Variants in ENTPD6 observed in about 807,000 individuals in gnomAD.
ENTPD6 encodes ectonucleoside triphosphate diphosphohydrolase 6.
Under a neutral mutation model 61.5 loss-of-function variants are expected in ENTPD6, and 46 were observed. That is an observed-to-expected ratio of 0.75 (90% CI 0.59 to 0.96). The LOEUF (loss-of-function observed/expected upper bound fraction) is 0.96. Ranked by LOEUF, ENTPD6 falls within the 40% of genes least tolerant of loss-of-function variation. The pLI, the probability that ENTPD6 is intolerant of heterozygous loss-of-function variation, is 0.00. For synonymous variants in ENTPD6, 252 were observed against 255.5 expected (o/e 0.99, Z 0.13); for missense variants, 612 against 629.0 (o/e 0.97, Z 0.29).
intron 5 of ENTPD6, chr20:25,214,568 G>A (rs2092203520): frequency 2.9e-6 from 1 of 345,178 alleles, no homozygotes; most frequent in Non-Finnish European, 5.4e-6. Context: ...CCGGGCGGTG[G>A]ATTAACTTGC....
intron 1 of ENTPD6, among the ~76,000 whole-genome samples, chr20:25,198,174 C>A (rs2090677196): frequency 6.6e-6 from 1 of 152,042 alleles, no homozygotes; most frequent in Non-Finnish European, 1.5e-5. Flanking sequence ...TAACATAGGA[C>A]ATGATAAGAT....
chr20:25,212,743 T>C (rs1206443628), intron 4 of ENTPD6, among the ~76,000 whole-genome samples: 11 of 152,068 alleles, frequency 7.2e-5, no homozygotes, highest in Non-Finnish European at 1.5e-4. Context: ...TCTCACTCTG[T>C]CACCCAGGCT....
At chr20:25,197,804 C>G (rs1473196117) in intron 1 of ENTPD6, among the ~76,000 whole-genome samples, 1 of 152,228 alleles carries the variant, frequency 6.6e-6, no homozygotes, top group Non-Finnish European at 1.5e-5. Context: ...TCTTCCTGAA[C>G]TTGGTGTGTA....
chr20:25,209,740 G>T, intron 3 of ENTPD6, 109 bp from the exon 4 acceptor site: 1 of 882,868 alleles, frequency 1.1e-6, no homozygotes. Context: ...GCCACTTGGG[G>T]ATTGGTCTGT....
At chr20:25,222,142 A>G (rs2092656099) in intron 11 of ENTPD6, 1 of 153,446 alleles carries the variant, frequency 6.5e-6, no homozygotes, top group African/African-American at 2.4e-5. Flanking sequence ...AGCAGCACAC[A>G]CCGGGGCCCT....
chr20:25,215,987 AC>A lies in ENTPD6; in HGVS notation c.709+281del, dbSNP rs371005572. On this transcript the variant is annotated intron_variant, in intron 7 of 14. Transcript: ENST00000376652. ...TGTCCCCTGCAGAACATCCACCAGG[AC>A]CCCCATCCTCTCATTTCTAAGAGAA... Among the ~76,000 whole-genome samples, 451 of 152,066 alleles carry A rather than the reference AC, an allele frequency of 3.0e-3. 1 individual carries two copies. The highest frequency in any genetic ancestry group is 0.01 in the African/African-American group (423 of 41,472).
intron 3 of ENTPD6, among the ~76,000 whole-genome samples, chr20:25,207,713 G>A (rs559903968): frequency 1.3e-4 from 20 of 152,314 alleles, no homozygotes; most frequent in Middle Eastern, 3.4e-3. Flanking sequence ...GGGGCTTTGT[G>A]GGGAGTTCAG....
At position 25,211,941 on chromosome 20, in the gene ENTPD6, C is replaced by T. The variant is rs577846237; in HGVS notation, c.454-1322C>T. On this transcript the variant is annotated intron_variant, in intron 4 of 14. Coordinates refer to ENST00000376652, the MANE Select transcript of ENTPD6 (RefSeq NM_001247.5). ...CTGCCACCTCAGCCTCCCAAGTAAC[C>T]GGGACCATAGATGCACACCGCAATG... is the stretch of plus-strand genomic sequence containing the variant. 2.2e-4 allele frequency among the ~76,000 whole-genome samples: 33 copies of T among 152,164 alleles called. No individual in the cohort carries two copies. The South Asian group carries it at 6.4e-3, about 30-fold the overall frequency.
intron 7 of ENTPD6, 79 bp from the exon 8 acceptor site, chr20:25,216,569 C>A: frequency 9.5e-7 from 1 of 1,050,404 alleles, no homozygotes; most frequent in Non-Finnish European, 1.4e-6. Context: ...CCCTGAGGGC[C>A]TGGCTTTCAC....
chr20:25,198,664 A>G (rs1172053022), intron 1 of ENTPD6, among the ~76,000 whole-genome samples: 1 of 152,188 alleles, frequency 6.6e-6, no homozygotes, highest in East Asian at 1.9e-4. Flanking sequence ...TTTGGGTTAT[A>G]GTCTGCTAAG....
At chr20:25,209,192 C>T (rs2091767855) in intron 3 of ENTPD6, among the ~76,000 whole-genome samples, 1 of 151,694 alleles carries the variant, frequency 6.6e-6, no homozygotes, top group African/African-American at 2.4e-5. Context: ...TCACTGCAAG[C>T]TCCGCCCCCC....
chr20:25,210,843 G>C (rs914598056), intron 4 of ENTPD6, among the ~76,000 whole-genome samples: 4 of 152,188 alleles, frequency 2.6e-5, no homozygotes, highest in Non-Finnish European at 5.9e-5. Context: ...TCAGGAGGCT[G>C]AGGCAGGAGA....
intron 1 of ENTPD6, 63 bp from the exon 2 acceptor site, chr20:25,206,459 T>C (rs2091508568): frequency 7.9e-7 from 1 of 1,263,616 alleles, no homozygotes; most frequent in South Asian, 1.2e-5. Flanking sequence ...GAATTTATTT[T>C]GCTACTCTAG....
intron 1 of ENTPD6, among the ~76,000 whole-genome samples, chr20:25,203,622 G>T (rs756064019): frequency 6.6e-6 from 1 of 152,046 alleles, no homozygotes; most frequent in Non-Finnish European, 1.5e-5. Flanking sequence ...TCATTTTGTT[G>T]TCATATGTTA....
At chr20:25,219,389 C>T (rs1194647174) in intron 10 of ENTPD6, among the ~76,000 whole-genome samples, 1 of 152,198 alleles carries the variant, frequency 6.6e-6, no homozygotes, top group Non-Finnish European at 1.5e-5. Flanking sequence ...GCTCATGATT[C>T]CAGCCTTGCA....
At chr20:25,202,215 A>G (rs2091099213) in intron 1 of ENTPD6, among the ~76,000 whole-genome samples, 2 of 152,174 alleles carry the variant, frequency 1.3e-5, no homozygotes, top group African/African-American at 4.8e-5. Context: ...GAAAGAGGAA[A>G]GGTTGATCTT....
Position 25,222,950 on chromosome 20 carries a change from C to G in ENTPD6, c.1158C>G (p.Tyr386Ter), listed in dbSNP as rs769540342. The change falls in exon 12 of 15, where the codon TAC (tyrosine) becomes TAG (stop). Residue 386 changes from tyrosine (Y) to a stop codon, truncating the protein, a stop_gained. Coordinates refer to ENST00000376652, the MANE Select transcript of ENTPD6 (RefSeq NM_001247.5). LOFTEE classifies it high-confidence loss of function. ...HVDFYAFSYY[Y>*]DLAAGVGLID... ...ACTTCTATGCTTTCTCCTACTATTA[C>G]GACCTTGCAGCTGGTGTGGGCCTCA... 1.2e-6 allele frequency: 2 copies of G among 1,613,706 alleles called. No individual in the cohort carries two copies. Among genetic ancestry groups the G allele is most frequent in the Non-Finnish European group, 1.7e-6 (2 of 1,179,922 alleles).
At position 25,222,845 on chromosome 20, in the gene ENTPD6, C is replaced by T; in HGVS notation, c.1053C>T (p.Ser351=). Residue 351 remains serine, a synonymous_variant, in exon 12 of 15, where the codon AGC becomes AGT. Transcript: ENST00000376652. The part of the protein sequence containing the change: ...YRVSGQKAAA[S]LHELCAARVS... Reference sequence around the variant, plus strand: ...CCTTGTGCTTGTCCCCAGCGGCAAGCCTGCACGAGCTGTGTGCTGCCAGAG... The same window carrying T: ...CCTTGTGCTTGTCCCCAGCGGCAAGTCTGCACGAGCTGTGTGCTGCCAGAG... The T allele has an allele frequency of 6.2e-7, 1 of 1,613,786 alleles. No individual in the cohort carries two copies. The highest frequency in any genetic ancestry group is 8.5e-7 in the Non-Finnish European group (1 of 1,179,940).
chr20:25,224,959 T>C, intron 13 of ENTPD6: 1 of 554,874 alleles, frequency 1.8e-6, no homozygotes, highest in Non-Finnish European at 3.2e-6. Flanking sequence ...TGGGAGACAT[T>C]GGCCCATGAC....
Sources: gnomAD v4.1 joint callset for allele counts (sites outside exome capture counted in the v4.1 genomes callset) on GRCh38, gnomAD v4.1.1 for gene constraint, MANE v1.5 for transcripts, NCBI Gene and HGNC (gene_info 2026-07-23, HGNC 2026-07-21) for gene names.